BBX: variants seen among roughly 807,000 people sequenced by gnomAD.
BBX encodes the protein HMG box transcription factor BBX.
Under a neutral mutation model 100.2 loss-of-function variants are expected in BBX, and 30 were observed. The observed-to-expected ratio is 0.30, with a 90% CI of 0.22 to 0.41. The LOEUF (loss-of-function observed/expected upper bound fraction) is 0.41. BBX is among the 10% of genes least tolerant of loss of function. BBX has a pLI of 1.00. For missense variants in BBX, 1,023 were observed against 1,129.8 expected, an observed-to-expected ratio of 0.91 and a Z score of 1.35; for synonymous variants, 376 against 388.1, an observed-to-expected ratio of 0.97 and a Z score of 0.37.
chr3:107,666,076 A>G (rs578232358), intron 3 of BBX, among the ~76,000 whole-genome samples: 2 of 152,306 alleles, frequency 1.3e-5, no homozygotes, highest in Admixed American at 1.3e-4. Context: ...TCACGTGACT[A>G]ATATTTCCTA....
chr3:107,762,094 A>C (rs1576678107), intron 10 of BBX, among the ~76,000 whole-genome samples: 1 of 152,216 alleles, frequency 6.6e-6, no homozygotes, highest in South Asian at 2.1e-4. Context: ...GTTTTTAGAA[A>C]ACTCCTGTTC....
chr3:107,645,369 G>A lies in BBX; in HGVS notation c.-83-467G>A, dbSNP rs34859514. 9.9e-3 allele frequency among the ~76,000 whole-genome samples: 1,501 copies of A among 151,902 alleles called. 13 individuals carry two copies. Among genetic ancestry groups the A allele is most frequent in the Middle Eastern group, 0.044 (13 of 294 alleles). On this transcript the variant is annotated intron_variant, in intron 2 of 17. Transcript: ENST00000325805. ...CTTGTTTGTTCGTTTTTACTATCTT[G>A]CCCTATTAACTTTAAAATATTTAAA...
At chr3:107,716,107 ATTAG>A (rs2062084417) in intron 4 of BBX, among the ~76,000 whole-genome samples, 1 of 152,170 alleles carries the variant, frequency 6.6e-6, no homozygotes, top group African/African-American at 2.4e-5. Context: ...GTCTCATATT[ATTAG>A]TTGTAGAAAA....
intron 11 of BBX, 83 bp from the exon 12 acceptor site, chr3:107,774,634 CAA>C: frequency 7.0e-7 from 1 of 1,420,838 alleles, no homozygotes; most frequent in Non-Finnish European, 9.6e-7. Context: ...TGCAAGCAGT[CAA>C]GAGGTTGCTC....
intron 5 of BBX, among the ~76,000 whole-genome samples, chr3:107,723,412 T>C (rs2062679889): frequency 6.6e-6 from 1 of 151,908 alleles, no homozygotes; most frequent in Non-Finnish European, 1.5e-5. Context: ...TTTTATTTTT[T>C]TAATTTTTTT....
intron 2 of BBX, among the ~76,000 whole-genome samples, chr3:107,610,900 T>C (rs900534184): frequency 1.4e-4 from 22 of 152,110 alleles, no homozygotes; most frequent in African/African-American, 5.3e-4. Flanking sequence ...TTTTGTTATT[T>C]GTTTTCTGGT....
chr3:107,571,277 G>T (rs987805251), intron 2 of BBX, among the ~76,000 whole-genome samples: 1 of 152,136 alleles, frequency 6.6e-6, no homozygotes, highest in African/African-American at 2.4e-5. Context: ...GTCACCAAGG[G>T]TACGTGGGTG....
In BBX at chr3:107,808,360, T is replaced by G. The variant is rs2108089284; in HGVS notation, c.*2903T>G. The G allele has an allele frequency of 6.6e-6, 1 of 152,330 alleles. No homozygotes were observed. The highest frequency in any genetic ancestry group is 2.4e-5 in the African/African-American group (1 of 41,568). The allele number at this position is 152,330 out of a possible 1,614,324, so 9.4% of individuals were successfully genotyped here. On this transcript the variant is annotated 3_prime_UTR_variant, in exon 18 of 18. Coordinates refer to ENST00000325805, the MANE Select transcript of BBX (RefSeq NM_001142568.3). ...TTCTGAATTTAGTTGAAATTATCAA[T>G]ATTTATGCTTTTAACCTTAATTTCT...
chr3:107,564,348 T>C (rs1310772268), intron 2 of BBX, among the ~76,000 whole-genome samples: 1 of 152,218 alleles, frequency 6.6e-6, no homozygotes, highest in Non-Finnish European at 1.5e-5. Flanking sequence ...TTACAGTTTA[T>C]TTTTTTAACT....
intron 2 of BBX, among the ~76,000 whole-genome samples, chr3:107,565,040 C>CA (rs2050780886): frequency 6.6e-6 from 1 of 152,170 alleles, no homozygotes; most frequent in African/African-American, 2.4e-5. Flanking sequence ...AAATCTCACA[C>CA]ATTTTTTTCT....
chr3:107,631,875 C>T (rs1284618653), intron 2 of BBX, among the ~76,000 whole-genome samples: 2 of 152,088 alleles, frequency 1.3e-5, no homozygotes, highest in African/African-American at 2.4e-5. Flanking sequence ...TATTTGAAAA[C>T]TTAAATTATT....
At chr3:107,714,529 A>G (rs1248305920) in intron 4 of BBX, among the ~76,000 whole-genome samples, 1 of 152,162 alleles carries the variant, frequency 6.6e-6, no homozygotes, top group East Asian at 1.9e-4. Context: ...TTGCTTCTTC[A>G]TCTTATATAT....
At chr3:107,617,528 C>T (rs1271202435) in intron 2 of BBX, among the ~76,000 whole-genome samples, 1 of 152,110 alleles carries the variant, frequency 6.6e-6, no homozygotes, top group Non-Finnish European at 1.5e-5. Context: ...TCTTCAGTTA[C>T]TGAGATCTCC....
intron 2 of BBX, among the ~76,000 whole-genome samples, chr3:107,612,714 G>A (rs1345526015): frequency 2.0e-5 from 3 of 152,166 alleles, no homozygotes; most frequent in Non-Finnish European, 4.4e-5. Context: ...ACAGCACTGG[G>A]TCTTGCCGAG....
At chr3:107,636,758 A>G (rs2056874108) in intron 2 of BBX, among the ~76,000 whole-genome samples, 2 of 152,228 alleles carry the variant, frequency 1.3e-5, no homozygotes, top group African/African-American at 4.8e-5. Context: ...GGCTTAATCT[A>G]AACTAAATGT....
chr3:107,778,479 G>A lies in BBX; in HGVS notation c.2163G>A (p.Lys721=). 6.2e-7 allele frequency: 1 copy of A among 1,613,308 alleles called. No individual in the cohort carries two copies. Among genetic ancestry groups the A allele is most frequent in the East Asian group, 2.2e-5 (1 of 44,868 alleles). Residue 721 remains lysine (K), a synonymous_variant, in exon 13 of 18, where the codon AAG becomes AAA. Coordinates refer to ENST00000325805, the MANE Select transcript of BBX (RefSeq NM_001142568.3). The part of the protein sequence containing the change: ...KCVPVPRKKK[K]TGNVSSEPTK... ...TACCTGTCCCAAGAAAAAAGAAGAA[G>A]ACTGGAAATGTGTCCTCAGAACCGA...
intron 2 of BBX, among the ~76,000 whole-genome samples, chr3:107,588,065 G>C (rs909344479): frequency 1.3e-5 from 2 of 152,122 alleles, no homozygotes; most frequent in African/African-American, 4.8e-5. Context: ...TTTGTTTTCT[G>C]TTCTTCTTAT....
At chr3:107,800,975 G>T (rs994987861) in intron 16 of BBX, 120 bp from the exon 17 acceptor site, 6 of 950,126 alleles carry the variant, frequency 6.3e-6, no homozygotes, top group African/African-American at 1.6e-5. Context: ...TCGATGGATA[G>T]CAAAAGTGAA....
intron 2 of BBX, among the ~76,000 whole-genome samples, chr3:107,609,600 T>C (rs2054690314): frequency 6.6e-6 from 1 of 152,146 alleles, no homozygotes; most frequent in African/African-American, 2.4e-5. Flanking sequence ...CATTCAATAT[T>C]GGTAAGTTGT....
Sources: gnomAD v4.1 joint callset for allele counts (sites outside exome capture counted in the v4.1 genomes callset) on GRCh38, gnomAD v4.1.1 for gene constraint, MANE v1.5 for transcripts, NCBI Gene and HGNC (gene_info 2026-07-23, HGNC 2026-07-21) for gene names.